Variants in ELMO1 observed in about 807,000 individuals in gnomAD.
ELMO1 encodes the protein engulfment and cell motility protein 1.
A neutral mutation model predicts 98.9 loss-of-function variants in ELMO1; 26 were observed. The observed-to-expected ratio is 0.26, with a 90% CI of 0.19 to 0.36. The LOEUF is 0.36. ELMO1 is among the 10% of genes least tolerant of loss of function. The probability of loss-of-function intolerance (pLI) is 1.00; values close to 1 mark genes in which losing one functional copy is unlikely to be tolerated. For missense variants in ELMO1, 627 were observed against 935.2 expected, an observed-to-expected ratio of 0.67 and a Z score of 4.30; for synonymous variants, 346 against 346.0, an observed-to-expected ratio of 1.00 and a Z score of 0.00.
intron 7 of ELMO1, among the ~76,000 whole-genome samples, chr7:37,234,213 T>A (rs1027593575): frequency 5.3e-5 from 8 of 152,174 alleles, no homozygotes; most frequent in Non-Finnish European, 1.2e-4. Context: ...GTTCAATTTT[T>A]AAAAAAATAA....
intron 15 of ELMO1, among the ~76,000 whole-genome samples, chr7:37,039,388 T>C (rs1183985673): frequency 1.3e-5 from 2 of 152,194 alleles, no homozygotes; most frequent in African/African-American, 2.4e-5. Context: ...CAAGGGCAGG[T>C]TCTCTTCTAG....
intron 1 of ELMO1, among the ~76,000 whole-genome samples, chr7:37,438,825 G>T (rs1170349558): frequency 6.6e-6 from 1 of 152,204 alleles, no homozygotes; most frequent in Non-Finnish European, 1.5e-5. Context: ...CTCAACAGGA[G>T]ATCTGAACCC....
At chr7:37,208,316 G>T (rs1792753734) in intron 13 of ELMO1, among the ~76,000 whole-genome samples, 1 of 152,184 alleles carries the variant, frequency 6.6e-6, no homozygotes, top group Non-Finnish European at 1.5e-5. Context: ...TGAACCACTG[G>T]CCCATGGCTC....
At chr7:37,260,363 T>C (rs1359374212) in intron 5 of ELMO1, among the ~76,000 whole-genome samples, 1 of 152,128 alleles carries the variant, frequency 6.6e-6, no homozygotes, top group East Asian at 1.9e-4. Context: ...AACAGACAAC[T>C]GGTTACAACT....
At chr7:36,993,475 G>A (rs1791999835) in intron 16 of ELMO1, among the ~76,000 whole-genome samples, 1 of 152,170 alleles carries the variant, frequency 6.6e-6, no homozygotes, top group Admixed American at 6.5e-5. Context: ...GCAACAGCAT[G>A]TAAGAGCCAG....
intron 14 of ELMO1, among the ~76,000 whole-genome samples, chr7:37,123,499 C>T (rs1360462401): frequency 1.3e-5 from 2 of 152,302 alleles, no homozygotes; most frequent in Non-Finnish European, 2.9e-5. Context: ...TCGGAGAATA[C>T]TATAAACACC....
At chr7:37,164,626 T>A (rs538946730) in intron 13 of ELMO1, among the ~76,000 whole-genome samples, 3 of 152,214 alleles carry the variant, frequency 2.0e-5, no homozygotes, top group Non-Finnish European at 2.9e-5. Context: ...TTTCTCAGGT[T>A]TGTCAAAGAT....
chr7:36,895,079 T>C, intron 16 of ELMO1, 62 bp from the exon 17 acceptor site: 1 of 1,590,658 alleles, frequency 6.3e-7, no homozygotes, highest in African/African-American at 1.3e-5. Context: ...CAGAAAAGTC[T>C]TTCCGAGTTA....
chr7:37,005,467 G>T (rs1030481711), intron 16 of ELMO1, among the ~76,000 whole-genome samples: 2 of 152,078 alleles, frequency 1.3e-5, no homozygotes, highest in African/African-American at 4.8e-5. Flanking sequence ...CAAGGCAGGT[G>T]AATCACCTGA....
At chr7:37,426,207 A>G (rs1451963200) in intron 1 of ELMO1, among the ~76,000 whole-genome samples, 1 of 128,478 alleles carries the variant, frequency 7.8e-6, no homozygotes, top group African/African-American at 3.1e-5. Flanking sequence ...AGGCTGGAGT[A>G]CAGTGGCACA....
intron 10 of ELMO1, among the ~76,000 whole-genome samples, chr7:37,222,225 G>C (rs572552242): frequency 6.6e-6 from 1 of 152,304 alleles, no homozygotes; most frequent in East Asian, 1.9e-4. Flanking sequence ...CAGAAAATGA[G>C]AACAGCACTT....
intron 15 of ELMO1, among the ~76,000 whole-genome samples, chr7:37,095,115 C>A (rs6956832): frequency 6.6e-6 from 1 of 152,038 alleles, no homozygotes; most frequent in African/African-American, 2.4e-5. Context: ...AGGAGACAAC[C>A]AAGGGCAGTG....
rs3734948 is a variant in ELMO1, at chr7:36,875,478, T to G, written c.1822+2532A>C. Among the ~76,000 whole-genome samples, 1,073 of 152,340 alleles carry G rather than the reference T, an allele frequency of 7.0e-3. 86 individuals carry two copies. The East Asian group carries it at 0.17, about 24-fold the overall frequency. On this transcript the variant is annotated intron_variant, in intron 19 of 21. Coordinates refer to ENST00000310758, the MANE Select transcript of ELMO1 (RefSeq NM_014800.11). Reference sequence around the variant, plus strand: ...ACAAGTATGCATTGTTAGTTCATCTTGCAATGGATATACTGTTTTTGGAGC... The same window carrying G: ...ACAAGTATGCATTGTTAGTTCATCTGGCAATGGATATACTGTTTTTGGAGC...
chr7:37,387,092 A>G (rs188434052), intron 1 of ELMO1, among the ~76,000 whole-genome samples: 1 of 152,334 alleles, frequency 6.6e-6, no homozygotes, highest in East Asian at 1.9e-4. Flanking sequence ...AAATAGCATA[A>G]AGAATAAACC....
At chr7:37,122,202 T>C (rs1365452793) in intron 14 of ELMO1, among the ~76,000 whole-genome samples, 2 of 152,092 alleles carry the variant, frequency 1.3e-5, no homozygotes, top group African/African-American at 4.8e-5. Flanking sequence ...GTAAAGACCA[T>C]TGAGACTAGG....
intron 1 of ELMO1, among the ~76,000 whole-genome samples, chr7:37,402,391 G>A (rs1803573477): frequency 6.6e-6 from 1 of 152,138 alleles, no homozygotes; most frequent in Admixed American, 6.5e-5. Context: ...GAGAAAATCT[G>A]CTGGGTTTTT....
intron 17 of ELMO1, 119 bp from the exon 18 acceptor site, chr7:36,887,791 C>A: frequency 1.3e-6 from 1 of 799,046 alleles, no homozygotes; most frequent in African/African-American, 1.7e-5. Flanking sequence ...GCATCTAATA[C>A]CTCCAACTTG....
chr7:36,897,325 C>CGTGTGTGTGT (rs11267559), intron 16 of ELMO1, among the ~76,000 whole-genome samples: 4,209 of 46,970 alleles, frequency 0.09, 182 homozygotes, highest in East Asian at 0.39. Context: ...AGAAAACAGA[C>CGTGTGTGTGT]GTGTGTGTGT....
intron 4 of ELMO1, among the ~76,000 whole-genome samples, chr7:37,293,742 A>AAT (rs1797882492): frequency 1.2e-5 from 1 of 86,066 alleles, no homozygotes. Context: ...ATAATAATAA[A>AAT]AAAAAAGAGT....
Sources: gnomAD v4.1 joint callset for allele counts (sites outside exome capture counted in the v4.1 genomes callset) on GRCh38, gnomAD v4.1.1 for gene constraint, MANE v1.5 for transcripts, NCBI Gene and HGNC (gene_info 2026-07-23, HGNC 2026-07-21) for gene names.